Variants in HTR1F observed in about 807,000 individuals in gnomAD.
The protein encoded by HTR1F is 5-hydroxytryptamine receptor 1F.
Under a neutral mutation model 24.0 loss-of-function variants are expected in HTR1F, and 17 were observed. The ratio of observed to expected loss-of-function variants is 0.71; its 90% CI spans 0.48 to 1.06. HTR1F has a LOEUF of 1.06. Among genes scored for constraint, HTR1F ranks in the 50% least tolerant of loss-of-function variants. HTR1F has a pLI of 0.00. For synonymous variants in HTR1F, 186 were observed against 156.8 expected, an observed-to-expected ratio of 1.19 and a Z score of -1.39; for missense variants, 391 against 427.8, an observed-to-expected ratio of 0.91 and a Z score of 0.76.
At chr3:87,923,293 G>A (rs780050991) in intron 2 of HTR1F, among the ~76,000 whole-genome samples, 1 of 151,776 alleles carries the variant, frequency 6.6e-6, no homozygotes, top group Admixed American at 6.6e-5. Context: ...TTTTATTTCT[G>A]TGAATCATGT....
At position 87,916,878 on chromosome 3, in the gene HTR1F, G is replaced by A. The variant is rs1391604215; in HGVS notation, c.-42-73830G>A. On this transcript the variant is annotated intron_variant, in intron 2 of 2. Coordinates refer to ENST00000319595, the MANE Select transcript of HTR1F (RefSeq NM_001322209.2). ...GAACAAAGGGACTTAACAGCTATAT[G>A]CAGAGCATTCCATCCAACAACCATA... Among the ~76,000 whole-genome samples, 3 of 152,156 alleles carry A rather than the reference G, an allele frequency of 2.0e-5. No individual in the cohort carries two copies. In the East Asian group the frequency reaches 5.8e-4, roughly 29 times the overall value.
intron 2 of HTR1F, among the ~76,000 whole-genome samples, chr3:87,869,556 C>T (rs1010929650): frequency 6.6e-6 from 1 of 151,912 alleles, no homozygotes. Flanking sequence ...CAGGGTGAGT[C>T]GATAAACTGG....
chr3:87,930,096 A>G (rs2195716), intron 2 of HTR1F, among the ~76,000 whole-genome samples: 76,094 of 151,958 alleles, frequency 0.5, 22,123 homozygotes, highest in African/African-American at 0.82. Flanking sequence ...GGCTGTTGCT[A>G]TTGTATAGGA....
chr3:87,840,804 T>G (rs1360645393), intron 2 of HTR1F, among the ~76,000 whole-genome samples: 1 of 151,986 alleles, frequency 6.6e-6, no homozygotes, highest in East Asian at 1.9e-4. Flanking sequence ...CTAGAGGATA[T>G]TATGTTAAGT....
chr3:87,858,345 A>T (rs1248984594), intron 2 of HTR1F, among the ~76,000 whole-genome samples: 2 of 152,152 alleles, frequency 1.3e-5, no homozygotes, highest in Non-Finnish European at 2.9e-5. Context: ...GCTTGTCTAT[A>T]TTAGGACTGG....
chr3:87,914,938 T>G (rs1389889852), intron 2 of HTR1F, among the ~76,000 whole-genome samples: 1 of 152,072 alleles, frequency 6.6e-6, no homozygotes, highest in Admixed American at 6.6e-5. Flanking sequence ...TCACAGAGTC[T>G]ATTTCACCCC....
At chr3:87,908,535 C>T (rs754605000) in intron 2 of HTR1F, among the ~76,000 whole-genome samples, 2 of 151,754 alleles carry the variant, frequency 1.3e-5, no homozygotes, top group African/African-American at 2.4e-5. Context: ...TATCTGGTAA[C>T]GTAAATGTAT....
At chr3:87,980,764 G>C (rs944943509) in intron 2 of HTR1F, among the ~76,000 whole-genome samples, 3 of 152,186 alleles carry the variant, frequency 2.0e-5, no homozygotes, top group African/African-American at 7.2e-5. Flanking sequence ...AAAGTCCAGA[G>C]GATGCCAAGG....
At chr3:87,884,874 T>A (rs1202869171) in intron 2 of HTR1F, among the ~76,000 whole-genome samples, 1 of 152,004 alleles carries the variant, frequency 6.6e-6, no homozygotes, top group African/African-American at 2.4e-5. Context: ...ACAAAAAGAC[T>A]TATACTCCCA....
chr3:87,961,633 A>T (rs570516479), intron 2 of HTR1F, among the ~76,000 whole-genome samples: 1 of 152,078 alleles, frequency 6.6e-6, no homozygotes, highest in African/African-American at 2.4e-5. Context: ...TAACTTTAAA[A>T]TTTTTTTGAA....
Position 87,990,812 on chromosome 3 carries a change from A to T in HTR1F, c.63A>T (p.Pro21=). 1.9e-6 allele frequency: 3 copies of T among 1,613,882 alleles called. No homozygotes were observed. The highest frequency in any genetic ancestry group is 2.5e-6 in the Non-Finnish European group (3 of 1,179,732). ...LTSEELLNRM[P]SKILVSLTLS... Reference sequence around the variant, plus strand: ...CAGAGGAACTGTTAAACAGAATGCCATCCAAAATTCTGGTGTCCCTCACTC... The same window carrying T: ...CAGAGGAACTGTTAAACAGAATGCCTTCCAAAATTCTGGTGTCCCTCACTC... Residue 21 remains proline, a synonymous_variant, in exon 3 of 3, where the codon CCA becomes CCT. Coordinates refer to ENST00000319595, the MANE Select transcript of HTR1F (RefSeq NM_001322209.2).
At chr3:87,929,904 T>A (rs1704219946) in intron 2 of HTR1F, among the ~76,000 whole-genome samples, 1 of 152,212 alleles carries the variant, frequency 6.6e-6, no homozygotes, top group South Asian at 2.1e-4. Flanking sequence ...ATGGCCAGTT[T>A]AATAATACTG....
At chr3:87,802,095 C>A (rs1704000416) in intron 1 of HTR1F, among the ~76,000 whole-genome samples, 1 of 52,636 alleles carries the variant, frequency 1.9e-5, no homozygotes, top group Admixed American at 1.8e-4. Context: ...TCCCTCCCTC[C>A]TCCCTCCCTC....
At chr3:87,906,723 C>T (rs1289998855) in intron 2 of HTR1F, among the ~76,000 whole-genome samples, 24 of 151,568 alleles carry the variant, frequency 1.6e-4, no homozygotes, top group Non-Finnish European at 3.4e-4. Flanking sequence ...CCCCAAAGTT[C>T]ATTGTATCAT....
intron 2 of HTR1F, among the ~76,000 whole-genome samples, chr3:87,838,433 C>T (rs996552667): frequency 5.9e-5 from 9 of 152,126 alleles, no homozygotes; most frequent in Non-Finnish European, 1.0e-4. Context: ...AATCACCACT[C>T]TGTTTTCCAT....
At chr3:87,923,787 T>C (rs546710744) in intron 2 of HTR1F, among the ~76,000 whole-genome samples, 5 of 152,198 alleles carry the variant, frequency 3.3e-5, no homozygotes, top group African/African-American at 1.2e-4. Context: ...TTATGTGATA[T>C]ATCACATTTA....
At chr3:87,878,500 T>G (rs946642691) in intron 2 of HTR1F, among the ~76,000 whole-genome samples, 1 of 152,194 alleles carries the variant, frequency 6.6e-6, no homozygotes. Flanking sequence ...TTACTTTTGC[T>G]CATAGTTTTG....
chr3:87,864,678 C>G (rs549408424), intron 2 of HTR1F, among the ~76,000 whole-genome samples: 1 of 152,102 alleles, frequency 6.6e-6, no homozygotes, highest in South Asian at 2.1e-4. Context: ...GGCAGATCAC[C>G]TGAGGTCACG....
At chr3:87,876,458 A>G (rs1705674780) in intron 2 of HTR1F, among the ~76,000 whole-genome samples, 1 of 152,224 alleles carries the variant, frequency 6.6e-6, no homozygotes, top group Non-Finnish European at 1.5e-5. Context: ...ACATCTTGTC[A>G]CATAGTAAAA....
Sources: gnomAD v4.1 joint callset for allele counts (sites outside exome capture counted in the v4.1 genomes callset) on GRCh38, gnomAD v4.1.1 for gene constraint, MANE v1.5 for transcripts, NCBI Gene and HGNC (gene_info 2026-07-23, HGNC 2026-07-21) for gene names.